The following RRBP1 variants were observed in gnomAD, a reference collection of about 807,000 sequenced individuals.
The protein encoded by RRBP1 is ribosome binding protein 1, also known as ribosome-binding protein 1.
Under a neutral mutation model 165.2 loss-of-function variants are expected in RRBP1, and 94 were observed. The ratio of observed to expected loss-of-function variants is 0.57; its 90% confidence interval spans 0.48 to 0.68. The LOEUF is 0.68. RRBP1 is among the 30% of genes least tolerant of loss of function. RRBP1 has a pLI of 0.00. For missense variants in RRBP1, 1,676 were observed against 1,763.0 expected, an observed-to-expected ratio of 0.95 and a Z score of 0.88; for synonymous variants, 680 against 714.5, an observed-to-expected ratio of 0.95 and a Z score of 0.77.
chr20:17,658,469 TGAA>T, intron 3 of RRBP1, 124 bp downstream of exon 3: 3 of 787,244 alleles, frequency 3.8e-6, no homozygotes, highest in African/African-American at 1.7e-5. Flanking sequence ...AATTTTTTTT[TGAA>T]TGTTTGTTAC....
rs189936821 is a variant in RRBP1, at chr20:17,658,528, C to T, written c.1912+68G>A. 55 of 1,384,410 alleles carry T rather than the reference C, an allele frequency of 4.0e-5. No individual in the cohort carries two copies. In the East Asian group the frequency reaches 8.0e-4, roughly 20 times the overall value. 85.8% of individuals were successfully genotyped at this position (1,384,410 alleles called of 1,614,324 possible). On this transcript the variant is annotated intron_variant, in intron 3 of 24. Transcript: ENST00000377813. ...GCTGACTGATACAGGTGGCACTCCC[C>T]GAGAGAATCCATAAGTCATTTAAAG...
Position 17,616,749 on chromosome 20 carries a change from C to T in RRBP1, c.3850G>A (p.Glu1284Lys), listed in dbSNP as rs200224134. Residue 1284 changes from glutamate (E) to lysine (K), a missense_variant, in exon 21 of 25, where the codon GAG becomes AAG. Transcript: ENST00000377813. ...GCCCTAACCTGAACGGGGTCCTGCTCGGCTGGGGGCGCCTCTGGGGAGGAA... is the reference window on the plus strand; with the variant it reads ...GCCCTAACCTGAACGGGGTCCTGCTTGGCTGGGGGCGCCTCTGGGGAGGAA... ...PASSPEAPPAEQDPVQLKTQL... is the reference protein window; with the variant it reads ...PASSPEAPPAKQDPVQLKTQL... 1,006 of 1,610,526 alleles carry T rather than the reference C, an allele frequency of 6.2e-4. 3 individuals carry two copies. The highest frequency in any genetic ancestry group is 7.2e-4 in the Non-Finnish European group (845 of 1,178,466).
At position 17,623,856 on chromosome 20, in the gene RRBP1, C is replaced by T. The variant is rs534123294; in HGVS notation, c.3147+720G>A. On this transcript the variant is annotated intron_variant, in intron 13 of 24. Coordinates refer to ENST00000377813, the MANE Select transcript of RRBP1 (RefSeq NM_001365613.2). ...GTGAGGCAGGAGAATTGCTTGAACC[C>T]GGGAGGCAGGGGTTGGAGTGACCTG... is the stretch of plus-strand genomic sequence containing the variant. Among the ~76,000 whole-genome samples the T allele has an allele frequency of 6.6e-5, 10 of 151,936 alleles. No individual in the cohort carries two copies. In the South Asian group the frequency reaches 1.9e-3, roughly 28 times the overall value.
intron 3 of RRBP1, among the ~76,000 whole-genome samples, chr20:17,657,224 T>C (rs1221462650): frequency 2.0e-5 from 3 of 152,236 alleles, no homozygotes; most frequent in East Asian, 3.8e-4. Flanking sequence ...CCAGAGCGTC[T>C]GGGTTTTCAA....
At position 17,616,849 on chromosome 20, in the gene RRBP1, G is replaced by A; in HGVS notation, c.3760-10C>T. On this transcript the variant is annotated splice_polypyrimidine_tract_variant and intron_variant, in intron 20 of 24. Coordinates refer to ENST00000377813, the MANE Select transcript of RRBP1 (RefSeq NM_001365613.2). ...TCAACTGCTGCCTGACCTGGAACAGGAAGGGGTGTGTTTGCAAATGCACAG... is the reference window on the plus strand; with the variant it reads ...TCAACTGCTGCCTGACCTGGAACAGAAAGGGGTGTGTTTGCAAATGCACAG... The A allele has an allele frequency of 6.2e-7, 1 of 1,603,404 alleles. No homozygotes were observed. The highest frequency in any genetic ancestry group is 8.5e-7 in the Non-Finnish European group (1 of 1,170,960).
chr20:17,681,925 G>C (rs1241635983), intron 1 of RRBP1, 103 bp downstream of exon 1: 1 of 147,374 alleles, frequency 6.8e-6, no homozygotes, highest in African/African-American at 2.4e-5. Flanking sequence ...CGGGGGAGGG[G>C]CCGCCGAGGA....
intron 5 of RRBP1, among the ~76,000 whole-genome samples, chr20:17,638,497 C>T (rs973299746): frequency 2.0e-5 from 3 of 152,288 alleles, no homozygotes; most frequent in East Asian, 1.9e-4. Context: ...TGGGGGTCAG[C>T]GTCCCAAGGC....
chr20:17,636,787 AG>A (rs1764717401), intron 5 of RRBP1, 58 bp from the exon 6 acceptor site: 1 of 1,600,724 alleles, frequency 6.2e-7, no homozygotes, highest in African/African-American at 1.3e-5. Flanking sequence ...GGAGCCTATC[AG>A]AAGGGAGCAA....
rs374039577 is a variant in RRBP1 at position 17,619,632 on chromosome 20, C to T, written c.3675+1G>A. The T allele has an allele frequency of 2.5e-6, 4 of 1,607,310 alleles. No homozygotes were observed. In the African/African-American group the frequency reaches 5.3e-5, roughly 21 times the overall value. On this transcript the variant is annotated splice_donor_variant, in intron 19 of 24. Transcript: ENST00000377813. LOFTEE classifies it high-confidence loss of function. ...CTGCACTCCTTGGGGGGCAGACTCA[C>T]CCCTGCCACCTCCTTGGCGTAGTTC...
At position 17,642,971 on chromosome 20, in the gene RRBP1, G is replaced by A. The variant is rs1394035930; in HGVS notation, c.2061+8C>T. 1.2e-6 allele frequency: 2 copies of A among 1,612,798 alleles called. No individual in the cohort carries two copies. Among genetic ancestry groups the A allele is most frequent in the East Asian group, 4.5e-5 (2 of 44,860 alleles). On this transcript the variant is annotated splice_region_variant and intron_variant, in intron 4 of 24. Transcript: ENST00000377813. ...CTCTGAGCATGGCCAGCAGGAGGGTGGGCCCACCTTGTGCCAGGTGTCCTG... is the reference window on the plus strand; with the variant it reads ...CTCTGAGCATGGCCAGCAGGAGGGTAGGCCCACCTTGTGCCAGGTGTCCTG...
At position 17,667,703 on chromosome 20, in the gene RRBP1, C is replaced by T. The variant is rs140926312; in HGVS notation, c.-21-7175G>A. Among the ~76,000 whole-genome samples the T allele has an allele frequency of 7.2e-5, 11 of 152,298 alleles. No individual in the cohort carries two copies. In the East Asian group the frequency reaches 1.7e-3, roughly 24 times the overall value. ...TGGACTAGTCAGTGTTGTTTGGTTCCGGATAGCTGACACTTGCTTGTTTAC... is the reference window on the plus strand; with the variant it reads ...TGGACTAGTCAGTGTTGTTTGGTTCTGGATAGCTGACACTTGCTTGTTTAC... On this transcript the variant is annotated intron_variant, in intron 2 of 24. Coordinates refer to ENST00000377813, the MANE Select transcript of RRBP1 (RefSeq NM_001365613.2).
rs1251633762 is a variant in RRBP1, at chr20:17,680,040, T to C, written c.-63A>G. 2.0e-5 allele frequency: 3 copies of C among 152,224 alleles called. No homozygotes were observed. The highest frequency in any genetic ancestry group is 4.8e-5 in the African/African-American group (2 of 41,432). The allele number at this position is 152,224 out of a possible 1,614,324, so 9.4% of individuals were successfully genotyped here. On this transcript the variant is annotated 5_prime_UTR_variant, in exon 2 of 25. Transcript: ENST00000377813. ...GCCTTTGCTTCAACAGAGAGGGAAA[T>C]GGCACCTCCAGGACCTCAGAACCGG...
intron 2 of RRBP1, among the ~76,000 whole-genome samples, chr20:17,672,158 A>T (rs2036991642): frequency 6.6e-6 from 1 of 152,242 alleles, no homozygotes; most frequent in South Asian, 2.1e-4. Flanking sequence ...AATTAGAAAC[A>T]CATGGGCCAG....
chr20:17,619,578 G>T, intron 19 of RRBP1, 55 bp downstream of exon 19: 1 of 1,321,848 alleles, frequency 7.6e-7, no homozygotes, highest in Admixed American at 2.0e-5. Context: ...AAGCAGCTCA[G>T]GGAGGACCGC....
chr20:17,658,543 GT>G, intron 3 of RRBP1, 52 bp downstream of exon 3: 1 of 1,453,002 alleles, frequency 6.9e-7, no homozygotes, highest in Non-Finnish European at 9.3e-7. Context: ...GAATCCATAA[GT>G]CATTTAAAGA....
At position 17,615,420 on chromosome 20, in the gene RRBP1, C is replaced by G; in HGVS notation, c.4050+11G>C. The G allele has an allele frequency of 6.2e-7, 1 of 1,602,996 alleles. No individual in the cohort carries two copies. Among genetic ancestry groups the G allele is most frequent in the Non-Finnish European group, 8.5e-7 (1 of 1,173,920 alleles). ...CCTCCAGGTGTGACCCCCGCCCCAG[C>G]CCCTGCCTGCCTTCAGCTGTGAGGC... On this transcript the variant is annotated intron_variant, in intron 23 of 24. Coordinates refer to ENST00000377813, the MANE Select transcript of RRBP1 (RefSeq NM_001365613.2).
chr20:17,629,005 T>C (rs1422787834), intron 9 of RRBP1, among the ~76,000 whole-genome samples: 1 of 151,698 alleles, frequency 6.6e-6, no homozygotes, highest in African/African-American at 2.4e-5. Flanking sequence ...CACCCGGTGT[T>C]AACGGGCACT....
intron 5 of RRBP1, among the ~76,000 whole-genome samples, 185 bp from the exon 6 acceptor site, chr20:17,636,914 C>T (rs1336924523): frequency 2.0e-5 from 3 of 152,224 alleles, no homozygotes; most frequent in Non-Finnish European, 4.4e-5. Context: ...ACAAGGGATC[C>T]CTGGAAACCC....
rs1227354147 is a variant in RRBP1, at chr20:17,659,813, G to A, written c.695C>T (p.Thr232Ile). 5 of 1,550,786 alleles carry A rather than the reference G, an allele frequency of 3.2e-6. No individual in the cohort carries two copies. The South Asian group carries it at 4.8e-5, about 15-fold the overall frequency. The change falls in exon 3 of 25, where the codon ACA (threonine) becomes ATA (isoleucine). Residue 232 changes from threonine (T) to isoleucine (I), a missense_variant. Physicochemically the swap from Thr to Ile is moderately conservative, Grantham distance 89. Around this residue, in one of 5 missense-constraint regions of RRBP1, gnomAD observed 392 missense variants for 382.5 expected, o/e 1.02. Coordinates refer to ENST00000377813, the MANE Select transcript of RRBP1 (RefSeq NM_001365613.2). The stretch of plus-strand genomic sequence containing the variant: ...TTTCCCTTGGTTTGGGGTTCCCTCT[G>A]TCTTTTTGCCCTGGTTTGGGGTTCC... ...AEGTPNQGKK[T>I]EGTPNQGKKA... is the part of the protein sequence containing the mutation.
Sources: gnomAD v4.1 joint callset for allele counts (sites outside exome capture counted in the v4.1 genomes callset) on GRCh38, gnomAD v4.1.1 for gene constraint, gnomAD v4.1.1 regional missense constraint, MANE v1.5 for transcripts, NCBI Gene and HGNC (gene_info 2026-07-23, HGNC 2026-07-21) for gene names.